Variants in JAKMIP1 observed in about 807,000 individuals in gnomAD.
JAKMIP1 encodes the protein janus kinase and microtubule-interacting protein 1.
JAKMIP1 carries 33 observed loss-of-function variants against 113.0 expected under a neutral mutation model. That is an observed-to-expected ratio of 0.29 (90% CI 0.22 to 0.39). JAKMIP1 has a LOEUF of 0.39. Among genes scored for constraint, JAKMIP1 ranks in the 10% least tolerant of loss-of-function variants. The probability of loss-of-function intolerance (pLI) is 1.00; values close to 1 mark genes in which losing one functional copy is unlikely to be tolerated. For missense variants in JAKMIP1, 813 were observed against 1,080.5 expected, an observed-to-expected ratio of 0.75 and a Z score of 3.47; for synonymous variants, 480 against 459.9, an observed-to-expected ratio of 1.04 and a Z score of -0.56.
chr4:6,033,685 C>T (rs768957078), intron 19 of JAKMIP1, among the ~76,000 whole-genome samples: 16 of 152,132 alleles, frequency 1.1e-4, no homozygotes, highest in Non-Finnish European at 2.4e-4. Flanking sequence ...CCTATGGCTC[C>T]TAATGCTGCA....
rs1716888836 is a variant in JAKMIP1, at chr4:6,059,080, G to A, written c.1644+1344C>T. Among the ~76,000 whole-genome samples, 1 of 152,216 alleles carries A rather than the reference G, an allele frequency of 6.6e-6. No homozygotes were observed. Among genetic ancestry groups the A allele is most frequent in the African/African-American group, 2.4e-5 (1 of 41,448 alleles). On this transcript the variant is annotated intron_variant, in intron 11 of 20. Transcript: ENST00000409021. This position sits in a 1 kb window ranked among gnomAD's most constrained non-coding sequence, Gnocchi z 4.8. ...GCCCAAGGTTATGCAACAAGGAAGTGGCAGAGCTGCCCTCTGACCCAGGTG... is the reference window on the plus strand; with the variant it reads ...GCCCAAGGTTATGCAACAAGGAAGTAGCAGAGCTGCCCTCTGACCCAGGTG...
At chr4:6,060,754 A>G (rs940060691) in intron 10 of JAKMIP1, among the ~76,000 whole-genome samples, 1 of 152,256 alleles carries the variant, frequency 6.6e-6, no homozygotes, top group African/African-American at 2.4e-5. Flanking sequence ...TTGGCTTTAC[A>G]GGCAAGGAAA....
At position 6,188,986 on chromosome 4, in the gene JAKMIP1, G is replaced by T. The variant is rs1301162693; in HGVS notation, c.-148+11267C>A. ...CCTCGTCAAGCCCTGAGCCTGGAAG[G>T]CTCCAAGACTTGCTGAGGAAATCCA... is the stretch of plus-strand genomic sequence containing the variant. On this transcript the variant is annotated intron_variant, in intron 1 of 20. Coordinates refer to ENST00000409021, the MANE Select transcript of JAKMIP1 (RefSeq NM_001099433.2). This position sits in a 1 kb window ranked among gnomAD's most constrained non-coding sequence, Gnocchi z 5.8. Among the ~76,000 whole-genome samples, 2 of 152,196 alleles carry T rather than the reference G, an allele frequency of 1.3e-5. No homozygotes were observed. Among genetic ancestry groups the T allele is most frequent in the Non-Finnish European group, 2.9e-5 (2 of 68,036 alleles).
At chr4:6,055,598 C>T (rs1716280061) in intron 12 of JAKMIP1, among the ~76,000 whole-genome samples, 1 of 152,216 alleles carries the variant, frequency 6.6e-6, no homozygotes. Context: ...GACCATAAAG[C>T]CACAGCAGAG....
rs1364606642 is a variant in JAKMIP1 at position 6,106,415 on chromosome 4, C to T, written c.130-448G>A. On this transcript the variant is annotated intron_variant, in intron 2 of 20. Coordinates refer to ENST00000409021, the MANE Select transcript of JAKMIP1 (RefSeq NM_001099433.2). The surrounding 1 kb of genome is among the most constrained non-coding windows in gnomAD (Gnocchi z 5.9). ...GTCCTGGGGGGCAGTGAGCAGGGGG[C>T]ACCATTCTTGTTGAGTGGGGTCCCT... 6.6e-6 allele frequency among the ~76,000 whole-genome samples: 1 copy of T among 152,018 alleles called. No individual in the cohort carries two copies. Among genetic ancestry groups the T allele is most frequent in the South Asian group, 2.1e-4 (1 of 4,800 alleles).
chr4:6,030,603 C>T (rs528106953), intron 19 of JAKMIP1, among the ~76,000 whole-genome samples: 1 of 152,330 alleles, frequency 6.6e-6, no homozygotes, highest in Admixed American at 6.5e-5. Context: ...AAGGTGGGTA[C>T]CCCTGGGGCA....
At position 6,183,254 on chromosome 4, in the gene JAKMIP1, G is replaced by T. The variant is rs1022477674; in HGVS notation, c.-148+16999C>A. Among the ~76,000 whole-genome samples the T allele has an allele frequency of 6.6e-6, 1 of 152,076 alleles. No homozygotes were observed. Among genetic ancestry groups the T allele is most frequent in the Non-Finnish European group, 1.5e-5 (1 of 68,014 alleles). ...AGCACTTTGGGAGGCTGAGGCAGGC[G>T]CATCACCTGAGGTCAGGAGTTTGAG... On this transcript the variant is annotated intron_variant, in intron 1 of 20. Coordinates refer to ENST00000409021, the MANE Select transcript of JAKMIP1 (RefSeq NM_001099433.2). The surrounding 1 kb of genome is among the most constrained non-coding windows in gnomAD (Gnocchi z 5.3).
At chr4:6,032,822 T>C (rs1463373475) in intron 19 of JAKMIP1, among the ~76,000 whole-genome samples, 1 of 152,170 alleles carries the variant, frequency 6.6e-6, no homozygotes, top group Non-Finnish European at 1.5e-5. Context: ...CCAGACTTTG[T>C]ACTCTGGGCA....
In JAKMIP1 at chr4:6,067,553, G is replaced by T. The variant is rs1393705530; in HGVS notation, c.1303-2545C>A. Among the ~76,000 whole-genome samples, 6 of 149,796 alleles carry T rather than the reference G, an allele frequency of 4.0e-5. No homozygotes were observed. Among genetic ancestry groups the T allele is most frequent in the African/African-American group, 1.5e-4 (6 of 40,606 alleles). ...GTAGTGACATCCCATGGTGACAATG[G>T]CACCCACGGGAGTGATGCATCTGCA... On this transcript the variant is annotated intron_variant, in intron 8 of 20. Transcript: ENST00000409021. This position sits in a 1 kb window ranked among gnomAD's most constrained non-coding sequence, Gnocchi z 4.6.
At chr4:6,043,730 C>T (rs1460293588) in intron 16 of JAKMIP1, among the ~76,000 whole-genome samples, 2 of 150,952 alleles carry the variant, frequency 1.3e-5, no homozygotes, top group Non-Finnish European at 3.0e-5. Flanking sequence ...CTGAATCCTC[C>T]CCACACACCC....
At chr4:6,164,397 A>G (rs940729062) in intron 1 of JAKMIP1, among the ~76,000 whole-genome samples, 9 of 152,200 alleles carry the variant, frequency 5.9e-5, no homozygotes, top group African/African-American at 1.9e-4. Flanking sequence ...AAAAAAGATT[A>G]CTTTTACAAT....
At chr4:6,087,486 A>G (rs1317448211) in intron 3 of JAKMIP1, among the ~76,000 whole-genome samples, 1 of 152,184 alleles carries the variant, frequency 6.6e-6, no homozygotes, top group East Asian at 1.9e-4. Context: ...CCTAGGTAAC[A>G]CGAGGCTATT....
At chr4:6,149,404 C>T (rs774195218) in intron 1 of JAKMIP1, among the ~76,000 whole-genome samples, 4 of 152,124 alleles carry the variant, frequency 2.6e-5, no homozygotes, top group East Asian at 1.9e-4. Context: ...AGCTGACCCT[C>T]GCCATCTGTC....
chr4:6,079,933 G>C (rs2108818959), intron 7 of JAKMIP1, among the ~76,000 whole-genome samples: 1 of 152,326 alleles, frequency 6.6e-6, no homozygotes, highest in South Asian at 2.1e-4. Context: ...TGTGAGAAAA[G>C]GGTAGCCATG....
rs187181977 is a variant in JAKMIP1 at position 6,065,497 on chromosome 4, A to C, written c.1303-489T>G. Among the ~76,000 whole-genome samples the C allele has an allele frequency of 1.5e-3, 231 of 152,376 alleles. No homozygotes were observed. Among genetic ancestry groups the C allele is most frequent in the African/African-American group, 5.2e-3 (215 of 41,590 alleles). ...GAAGAACTGGATGAATAAGGACAGC[A>C]GAGGGGGCAACAGCTTGAAGGAGTG... is the stretch of plus-strand genomic sequence containing the variant. On this transcript the variant is annotated intron_variant, in intron 8 of 20. Coordinates refer to ENST00000409021, the MANE Select transcript of JAKMIP1 (RefSeq NM_001099433.2). This position sits in a 1 kb window ranked among gnomAD's most constrained non-coding sequence, Gnocchi z 5.1.
In JAKMIP1 at chr4:6,136,813, G is replaced by A. The variant is rs76568978; in HGVS notation, c.-147-23816C>T. 7.4e-3 allele frequency among the ~76,000 whole-genome samples: 1,125 copies of A among 152,274 alleles called. 12 individuals are homozygous for A. The highest frequency in any genetic ancestry group is 0.026 in the African/African-American group (1,086 of 41,546). On this transcript the variant is annotated intron_variant, in intron 1 of 20. Coordinates refer to ENST00000409021, the MANE Select transcript of JAKMIP1 (RefSeq NM_001099433.2). The surrounding 1 kb of genome is among the most constrained non-coding windows in gnomAD (Gnocchi z 5.9). ...GGTCCTGACTACACAGAAAGCCCTC[G>A]AGAACCACTGGCAGAAAGCAAAAAG...
chr4:6,121,791 A>G (rs1186768045), intron 1 of JAKMIP1, among the ~76,000 whole-genome samples: 1 of 152,260 alleles, frequency 6.6e-6, no homozygotes, highest in Non-Finnish European at 1.5e-5. Flanking sequence ...TGTATACATT[A>G]GAAATGAATT....
chr4:6,145,926 C>T lies in JAKMIP1; in HGVS notation c.-147-32929G>A, dbSNP rs555814839. Among the ~76,000 whole-genome samples the T allele has an allele frequency of 3.9e-4, 60 of 152,170 alleles. No homozygotes were observed. In the South Asian group the frequency reaches 5.0e-3, roughly 13 times the overall value. The stretch of plus-strand genomic sequence containing the variant: ...TTAATGTAACCACCTCTTTACAGGC[C>T]GTATCTCCAAATACTGTCACATTCT... On this transcript the variant is annotated intron_variant, in intron 1 of 20. Coordinates refer to ENST00000409021, the MANE Select transcript of JAKMIP1 (RefSeq NM_001099433.2).
At position 6,096,091 on chromosome 4, in the gene JAKMIP1, G is replaced by A. The variant is rs1054226756; in HGVS notation, c.624+9382C>T. Among the ~76,000 whole-genome samples the A allele has an allele frequency of 3.9e-5, 6 of 152,138 alleles. No homozygotes were observed. The East Asian group carries it at 5.8e-4, about 15-fold the overall frequency. Reference sequence around the variant, plus strand: ...GCGGTGCAAAGATCGGGGCTGGAGCGCTCCCGGCCAAGGACACAGGAGTGC... The same window carrying A: ...GCGGTGCAAAGATCGGGGCTGGAGCACTCCCGGCCAAGGACACAGGAGTGC... On this transcript the variant is annotated intron_variant, in intron 3 of 20. Transcript: ENST00000409021.
Sources: gnomAD v4.1 joint callset for allele counts (sites outside exome capture counted in the v4.1 genomes callset) on GRCh38, gnomAD v4.1.1 for gene constraint, Gnocchi (gnomAD v3.1) non-coding constraint, MANE v1.5 for transcripts, NCBI Gene and HGNC (gene_info 2026-07-23, HGNC 2026-07-21) for gene names.